Variants in RABEP1 observed in about 807,000 individuals in gnomAD.
RABEP1 encodes the protein rab GTPase-binding effector protein 1.
RABEP1 carries 51 observed loss-of-function variants against 123.4 expected under a neutral mutation model. The observed-to-expected ratio is 0.41, with a 90% confidence interval of 0.33 to 0.52. RABEP1 has a LOEUF of 0.52. Among genes scored for constraint, RABEP1 ranks in the 20% least tolerant of loss-of-function variants. RABEP1 has a pLI of 0.16. For missense variants in RABEP1, 888 were observed against 996.3 expected, an observed-to-expected ratio of 0.89 and a Z score of 1.46; for synonymous variants, 347 against 355.2, an observed-to-expected ratio of 0.98 and a Z score of 0.26.
rs773747680 is a variant in RABEP1 at position 5,377,353 on chromosome 17, C to G, written c.2215+48C>G. The G allele has an allele frequency of 9.1e-5, 134 of 1,475,772 alleles. 1 individual carries two copies. In the South Asian group the frequency reaches 1.1e-3, roughly 13 times the overall value. The allele number at this position is 1,475,772 out of a possible 1,614,324, so 91.4% of individuals were successfully genotyped here. A position where few individuals can be genotyped will look rare whatever the true frequency, so the allele number is the denominator to read the frequency against. ...TTAGAATTAGAGTCACTAAATAAAACTTTAGTAAAAGAAGCAATACATGGC... is the reference window on the plus strand; with the variant it reads ...TTAGAATTAGAGTCACTAAATAAAAGTTTAGTAAAAGAAGCAATACATGGC... On this transcript the variant is annotated intron_variant, in intron 14 of 17. Coordinates refer to ENST00000537505, the MANE Select transcript of RABEP1 (RefSeq NM_004703.6).
At chr17:5,379,025 G>C (rs1357001465) in intron 15 of RABEP1, among the ~76,000 whole-genome samples, 2 of 152,120 alleles carry the variant, frequency 1.3e-5, no homozygotes, top group African/African-American at 2.4e-5. Context: ...CACGAGACTT[G>C]GTGACACTGC....
Position 5,282,376 on chromosome 17 carries a change from G to C in RABEP1, c.-111G>C. The C allele has an allele frequency of 1.1e-6, 1 of 888,016 alleles. No homozygotes were observed. Among genetic ancestry groups the C allele is most frequent in the Non-Finnish European group, 1.5e-6 (1 of 656,614 alleles). The allele number at this position is 888,016 out of a possible 1,614,324, so 55.0% of individuals were successfully genotyped here. The stretch of plus-strand genomic sequence containing the variant: ...GATCCAGCCTTAGCGGTTTCTCTCT[G>C]GGCGGCGGCGGCGGCGGCTCGGTTG... On this transcript the variant is annotated 5_prime_UTR_variant, in exon 1 of 18. Coordinates refer to ENST00000537505, the MANE Select transcript of RABEP1 (RefSeq NM_004703.6).
At chr17:5,374,274 G>T (rs1337042255) in intron 13 of RABEP1, among the ~76,000 whole-genome samples, 1 of 151,178 alleles carries the variant, frequency 6.6e-6, no homozygotes, top group African/African-American at 2.4e-5. Context: ...CACCATGTTT[G>T]CCAGGCTGGT....
chr17:5,286,177 A>T (rs1290380589), intron 1 of RABEP1, among the ~76,000 whole-genome samples: 1 of 152,064 alleles, frequency 6.6e-6, no homozygotes, highest in Non-Finnish European at 1.5e-5. Flanking sequence ...ATTTGTTTTA[A>T]ATTTGTGTCT....
At chr17:5,364,312 T>C (rs1597387064) in intron 10 of RABEP1, 1 of 152,188 alleles carries the variant, frequency 6.6e-6, no homozygotes, top group East Asian at 1.9e-4. Flanking sequence ...TGATGTATTG[T>C]AGGAAGTATG....
chr17:5,338,336 C>A (rs909229725), intron 5 of RABEP1, among the ~76,000 whole-genome samples, 198 bp downstream of exon 5: 1 of 151,872 alleles, frequency 6.6e-6, no homozygotes, highest in Non-Finnish European at 1.5e-5. Flanking sequence ...CTGAGGCGGG[C>A]GGATCACCTG....
intron 16 of RABEP1, among the ~76,000 whole-genome samples, chr17:5,380,966 G>A (rs1381834128): frequency 2.0e-5 from 3 of 152,164 alleles, no homozygotes; most frequent in Non-Finnish European, 4.4e-5. Context: ...ACATCCTGCT[G>A]GTTTTCTGTA....
chr17:5,286,493 CA>C (rs879677570), intron 1 of RABEP1, among the ~76,000 whole-genome samples: 11 of 141,562 alleles, frequency 7.8e-5, no homozygotes, highest in Admixed American at 2.2e-4. Flanking sequence ...GACTCTGTCT[CA>C]AAAAAAAAAG....
chr17:5,369,260 G>C (rs996403693), intron 12 of RABEP1, among the ~76,000 whole-genome samples: 8 of 152,218 alleles, frequency 5.3e-5, no homozygotes, highest in Non-Finnish European at 1.0e-4. Flanking sequence ...AGCCTTTGCA[G>C]ATAGTCCCCA....
At chr17:5,379,494 C>T (rs1294278208) in intron 15 of RABEP1, among the ~76,000 whole-genome samples, 1 of 147,426 alleles carries the variant, frequency 6.8e-6, no homozygotes, top group Non-Finnish European at 1.5e-5. Context: ...CTTCCTCCCT[C>T]TGTTGCCACA....
intron 17 of RABEP1, 112 bp downstream of exon 17, chr17:5,381,617 C>T (rs774856006): frequency 2.8e-6 from 4 of 1,450,380 alleles, no homozygotes; most frequent in Admixed American, 2.4e-5. Context: ...AGACTGGCTG[C>T]TCCTACCTCC....
intron 1 of RABEP1, among the ~76,000 whole-genome samples, chr17:5,288,478 C>T (rs1297844411): frequency 6.6e-6 from 1 of 152,202 alleles, no homozygotes; most frequent in Non-Finnish European, 1.5e-5. Context: ...TCACTGGAAC[C>T]TCTACCTCCC....
In RABEP1 at chr17:5,348,457, T is replaced by C. The variant is rs8069883; in HGVS notation, c.784+1532T>C. ...AGAATACAAGAGGCAATGGGCAAAA[T>C]GTGAGGTTGGAGCAGTAGAAACAGG... On this transcript the variant is annotated intron_variant, in intron 6 of 17. Transcript: ENST00000537505. Among the ~76,000 whole-genome samples, 1,105 of 152,274 alleles carry C rather than the reference T, an allele frequency of 7.3e-3. 12 individuals carry two copies. The highest frequency in any genetic ancestry group is 0.025 in the African/African-American group (1,032 of 41,552).
intron 6 of RABEP1, among the ~76,000 whole-genome samples, chr17:5,348,501 A>T (rs1908260238): frequency 6.6e-6 from 1 of 152,198 alleles, no homozygotes; most frequent in African/African-American, 2.4e-5. Context: ...TAGAGGTCTT[A>T]TGCTAAGAAT....
At chr17:5,357,355 T>TC (rs1292749817) in intron 8 of RABEP1, among the ~76,000 whole-genome samples, 3 of 151,954 alleles carry the variant, frequency 2.0e-5, no homozygotes, top group Admixed American at 6.6e-5. Context: ...TTTAACCAAT[T>TC]CCCTACTAAT....
At chr17:5,378,386 T>G in intron 15 of RABEP1, 154 bp downstream of exon 15, 1 of 729,146 alleles carries the variant, frequency 1.4e-6, no homozygotes, top group Non-Finnish European at 2.5e-6. Flanking sequence ...GGTAAGGGTG[T>G]GCTGGTGATT....
chr17:5,332,702 G>A (rs1301931499), intron 3 of RABEP1, among the ~76,000 whole-genome samples: 5 of 145,440 alleles, frequency 3.4e-5, no homozygotes, highest in Admixed American at 7.1e-5. Flanking sequence ...TCTGCCTCCC[G>A]GGCTCAAGCG....
chr17:5,334,880 C>T (rs955300555), intron 3 of RABEP1, among the ~76,000 whole-genome samples: 4 of 152,074 alleles, frequency 2.6e-5, no homozygotes, highest in Non-Finnish European at 1.5e-5. Flanking sequence ...GCCTTAAGTT[C>T]GAATTCTAGC....
intron 3 of RABEP1, among the ~76,000 whole-genome samples, chr17:5,334,919 G>C (rs974363840): frequency 6.6e-6 from 1 of 152,090 alleles, no homozygotes; most frequent in Non-Finnish European, 1.5e-5. Context: ...TGAAACATTG[G>C]CCAGACTATT....
Sources: gnomAD v4.1 joint callset for allele counts (sites outside exome capture counted in the v4.1 genomes callset) on GRCh38, gnomAD v4.1.1 for gene constraint, MANE v1.5 for transcripts, NCBI Gene and HGNC (gene_info 2026-07-23, HGNC 2026-07-21) for gene names.